Variants in TMIGD1 observed in about 807,000 individuals in gnomAD.
The protein encoded by TMIGD1 is transmembrane and immunoglobulin domain-containing protein 1.
Under a neutral mutation model 27.5 loss-of-function variants are expected in TMIGD1, and 29 were observed. The observed-to-expected ratio is 1.05, with a 90% CI of 0.78 to 1.44. The LOEUF (loss-of-function observed/expected upper bound fraction) is 1.44. Among genes scored for constraint, TMIGD1 ranks in the 40% most tolerant of loss-of-function variants. The pLI is 0.00. For missense variants in TMIGD1, 334 were observed against 310.6 expected, an observed-to-expected ratio of 1.08 and a Z score of -0.57; for synonymous variants, 109 against 110.3, an observed-to-expected ratio of 0.99 and a Z score of 0.07.
intron 4 of TMIGD1, 133 bp downstream of exon 4, chr17:30,324,683 T>C (rs1909715551): frequency 9.2e-7 from 1 of 1,081,260 alleles, no homozygotes. Flanking sequence ...AATCCTTGGA[T>C]GGGGATGATT....
intron 4 of TMIGD1, among the ~76,000 whole-genome samples, chr17:30,321,230 A>C (rs1311396562): frequency 6.6e-6 from 1 of 151,602 alleles, no homozygotes; most frequent in Non-Finnish European, 1.5e-5. Context: ...TCCTGACCAC[A>C]AGCAATTCTC....
intron 2 of TMIGD1, among the ~76,000 whole-genome samples, chr17:30,331,660 C>T (rs1909982054): frequency 6.6e-6 from 1 of 150,856 alleles, no homozygotes; most frequent in African/African-American, 2.4e-5. Flanking sequence ...TCTCGGCTCA[C>T]TCACTGCAAG....
chr17:30,321,495 G>A (rs1909619791), intron 4 of TMIGD1, among the ~76,000 whole-genome samples: 1 of 152,166 alleles, frequency 6.6e-6, no homozygotes, highest in African/African-American at 2.4e-5. Flanking sequence ...TATGGATTGA[G>A]GTGCAGTCAA....
At chr17:30,319,119 T>C (rs6505174) in intron 4 of TMIGD1, among the ~76,000 whole-genome samples, 150,934 of 150,934 alleles carry the variant, frequency 1, 75,467 homozygotes, top group Non-Finnish European at 1. Flanking sequence ...AGTCATAGAA[T>C]TAGGCCGGGT....
At chr17:30,317,564 G>C (rs1909456768) in intron 5 of TMIGD1, among the ~76,000 whole-genome samples, 1 of 152,074 alleles carries the variant, frequency 6.6e-6, no homozygotes, top group Admixed American at 6.6e-5. Flanking sequence ...TTCAAGACCA[G>C]CCTGGCCAAC....
Position 30,330,387 on chromosome 17 carries a change from G to A in TMIGD1, c.83-858C>T, listed in dbSNP as rs76129490. On this transcript the variant is annotated intron_variant, in intron 2 of 6. Coordinates refer to ENST00000328886, the MANE Select transcript of TMIGD1 (RefSeq NM_206832.3). ...ACCATATTTAATTTGTTTACTTGAA[G>A]GGATTGAAAGTGGGAAAGCAAGGGA... Among the ~76,000 whole-genome samples the A allele has an allele frequency of 6.6e-3, 1,011 of 152,180 alleles. 7 individuals are homozygous for A. The highest frequency in any genetic ancestry group is 0.013 in the African/African-American group (526 of 41,514).
At chr17:30,329,923 A>T (rs1048201492) in intron 2 of TMIGD1, among the ~76,000 whole-genome samples, 12 of 52,566 alleles carry the variant, frequency 2.3e-4, no homozygotes, top group Non-Finnish European at 4.0e-4. Flanking sequence ...ATAAAAAAAT[A>T]AAAAAAAAAA....
intron 1 of TMIGD1, among the ~76,000 whole-genome samples, chr17:30,332,397 G>C (rs962991007): frequency 6.6e-6 from 1 of 152,196 alleles, no homozygotes; most frequent in African/African-American, 2.4e-5. Flanking sequence ...GACAGATAGA[G>C]CAGCGTCAGG....
rs1438082552 is a variant in TMIGD1 at position 30,324,914 on chromosome 17, G to T, written c.542C>A (p.Ser181Ter). Reference protein sequence around the residue: ...IQQTSESFQLSITKVEKPDNG... With the variant: ...IQQTSESFQL ...GTCAGGCTTCTCGACTTTGGTGATTGACAGCTGAAAAGACTCACTTGTCTG... is the reference window on the plus strand; with the variant it reads ...GTCAGGCTTCTCGACTTTGGTGATTTACAGCTGAAAAGACTCACTTGTCTG... Residue 181 changes from serine (S) to a stop codon, truncating the protein, a stop_gained, in exon 4 of 7, where the codon TCA becomes TAA. Coordinates refer to ENST00000328886, the MANE Select transcript of TMIGD1 (RefSeq NM_206832.3). LOFTEE classifies it high-confidence loss of function. The T allele has an allele frequency of 6.2e-7, 1 of 1,614,146 alleles. No individual in the cohort carries two copies. The highest frequency in any genetic ancestry group is 8.5e-7 in the Non-Finnish European group (1 of 1,180,000).
At position 30,321,395 on chromosome 17, in the gene TMIGD1, A is replaced by G. The variant is rs112611197; in HGVS notation, c.641-2482T>C. ...AGCCCCTGGATTCTGATGCCATCCA[A>G]CGACGGGAAGGAGCTTCAGTCATGG... On this transcript the variant is annotated intron_variant, in intron 4 of 6. Coordinates refer to ENST00000328886, the MANE Select transcript of TMIGD1 (RefSeq NM_206832.3). Among the ~76,000 whole-genome samples the G allele has an allele frequency of 3.5e-3, 540 of 152,346 alleles. 2 individuals carry two copies. Among genetic ancestry groups the G allele is most frequent in the African/African-American group, 0.012 (512 of 41,578 alleles).
At chr17:30,323,598 G>A (rs1909686438) in intron 4 of TMIGD1, among the ~76,000 whole-genome samples, 2 of 152,266 alleles carry the variant, frequency 1.3e-5, no homozygotes, top group Middle Eastern at 3.4e-3. Flanking sequence ...CATCCTGATT[G>A]CCACATAAGC....
chr17:30,329,498 C>A lies in TMIGD1; in HGVS notation c.114G>T (p.Glu38Asp), dbSNP rs1909904615. 2 of 1,613,118 alleles carry A rather than the reference C, an allele frequency of 1.2e-6. No homozygotes were observed. The highest frequency in any genetic ancestry group is 8.5e-7 in the Non-Finnish European group (1 of 1,179,322). Residue 38 changes from glutamate to aspartate, a missense_variant, in exon 3 of 7, where the codon GAG (glutamate) becomes GAT (aspartate). Physicochemically the swap from Glu to Asp is conservative, Grantham distance 45 (BLOSUM62 2). Coordinates refer to ENST00000328886, the MANE Select transcript of TMIGD1 (RefSeq NM_206832.3). Reference protein sequence around the residue: ...SSVLTVNGKTENYILDTTPGS... With the variant: ...SSVLTVNGKTDNYILDTTPGS... Reference sequence around the variant, plus strand: ...CAGGTGTAGTATCCAGGATATAGTTCTCAGTTTTACCATTCACAGTTAAAA... The same window carrying A: ...CAGGTGTAGTATCCAGGATATAGTTATCAGTTTTACCATTCACAGTTAAAA...
intron 1 of TMIGD1, among the ~76,000 whole-genome samples, chr17:30,332,450 A>G (rs751801559): frequency 2.6e-5 from 4 of 152,214 alleles, no homozygotes; most frequent in Non-Finnish European, 4.4e-5. Context: ...AGAGAAACTG[A>G]TAGAATTTCA....
chr17:30,327,416 C>CAA (rs35739777), intron 3 of TMIGD1, among the ~76,000 whole-genome samples: 1,728 of 144,344 alleles, frequency 0.012, 17 homozygotes, highest in African/African-American at 0.028. Flanking sequence ...GACCCTGTCT[C>CAA]AAAAAAAAAA....
chr17:30,322,747 G>T (rs1040600871), intron 4 of TMIGD1, among the ~76,000 whole-genome samples: 5 of 152,116 alleles, frequency 3.3e-5, no homozygotes, highest in Admixed American at 3.3e-4. Context: ...TGATCCACCC[G>T]CCTCGGCCTC....
In TMIGD1 at chr17:30,332,165, G is replaced by C. The variant is rs1910002368; in HGVS notation, c.-25-7C>G. 1.3e-6 allele frequency: 2 copies of C among 1,563,278 alleles called. No individual in the cohort carries two copies. Among genetic ancestry groups the C allele is most frequent in the African/African-American group, 2.7e-5 (2 of 73,210 alleles). ...TGAGTTAAACTCAGATCTACTAAGG[G>C]AAAAATAGTGCAGTTGGTTTTGTAC... is the stretch of plus-strand genomic sequence containing the variant. On this transcript the variant is annotated splice_region_variant and splice_polypyrimidine_tract_variant and intron_variant, in intron 1 of 6. Coordinates refer to ENST00000328886, the MANE Select transcript of TMIGD1 (RefSeq NM_206832.3).
chr17:30,329,286 T>A lies in TMIGD1; in HGVS notation c.326A>T (p.Gln109Leu), dbSNP rs771899406. 3 of 1,614,134 alleles carry A rather than the reference T, an allele frequency of 1.9e-6. No individual in the cohort carries two copies. The highest frequency in any genetic ancestry group is 1.7e-4 in the Middle Eastern group (1 of 6,056). The change falls in exon 3 of 7, where the codon CAG becomes CTG. Residue 109 changes from glutamine (Q) to leucine (L), a missense_variant. By Grantham distance (113) the Gln-to-Leu change is moderately radical (BLOSUM62 -2). Coordinates refer to ENST00000328886, the MANE Select transcript of TMIGD1 (RefSeq NM_206832.3). The part of the protein sequence containing the change: ...ISFTCRLGRD[Q>L]SVSVSVVLNV... ...CAGCACCACCGAAACGGACACGGACTGATCCCTCCCCAGCCTGCAGGTAAA... is the reference window on the plus strand; with the variant it reads ...CAGCACCACCGAAACGGACACGGACAGATCCCTCCCCAGCCTGCAGGTAAA...
At chr17:30,326,170 T>A (rs1231915964) in intron 3 of TMIGD1, among the ~76,000 whole-genome samples, 1 of 152,190 alleles carries the variant, frequency 6.6e-6, no homozygotes, top group East Asian at 1.9e-4. Flanking sequence ...TTATATGGTA[T>A]TCAGATAGGA....
intron 1 of TMIGD1, 126 bp from the exon 2 acceptor site, chr17:30,332,284 T>C (rs2143192644): frequency 1.8e-6 from 1 of 542,806 alleles, no homozygotes; most frequent in Non-Finnish European, 3.3e-6. Context: ...ACGGTACTAC[T>C]TCTAGCTTTT....
Sources: allele counts gnomAD v4.1 joint callset (sites outside exome capture counted in the v4.1 genomes callset), GRCh38; gene constraint gnomAD v4.1.1; transcripts MANE v1.5; gene names NCBI Gene and HGNC (gene_info 2026-07-23, HGNC 2026-07-21).